Variants in SF3B3 observed in about 807,000 individuals in gnomAD.
The protein encoded by SF3B3 is splicing factor 3b subunit 3.
In SF3B3, 33 loss-of-function variants were observed where a neutral mutation model predicts 139.2. The observed-to-expected ratio is 0.24, with a 90% CI of 0.18 to 0.32. SF3B3 has a LOEUF of 0.32. Among genes scored for constraint, SF3B3 ranks in the 10% least tolerant of loss-of-function variants. The pLI, the probability that SF3B3 is intolerant of heterozygous loss-of-function variation, is 1.00. For missense variants in SF3B3, 818 were observed against 1,509.4 expected, an observed-to-expected ratio of 0.54 and a Z score of 7.59; for synonymous variants, 596 against 563.6, an observed-to-expected ratio of 1.06 and a Z score of -0.81.
chr16:70,566,519 G>A (rs1227471551), intron 20 of SF3B3, among the ~76,000 whole-genome samples: 3 of 152,038 alleles, frequency 2.0e-5, no homozygotes, highest in South Asian at 2.1e-4. Context: ...CCGAGATTGC[G>A]CCACTGCACT....
In SF3B3 at chr16:70,530,932, G is replaced by A. The variant is rs1264986647; in HGVS notation, c.570+15G>A. On this transcript the variant is annotated intron_variant, in intron 4 of 25. Coordinates refer to ENST00000302516, the MANE Select transcript of SF3B3 (RefSeq NM_012426.5). ...TGGATTATGAGGTAATGGGGACCCT[G>A]TCTCTTTGCGTTTCTTTCAGTCACC... 7 of 1,583,662 alleles carry A rather than the reference G, an allele frequency of 4.4e-6. No homozygotes were observed. The highest frequency in any genetic ancestry group is 5.1e-6 in the Non-Finnish European group (6 of 1,167,714).
At chr16:70,533,212 G>A (rs1000857142) in intron 5 of SF3B3, among the ~76,000 whole-genome samples, 1 of 152,116 alleles carries the variant, frequency 6.6e-6, no homozygotes, top group African/African-American at 2.4e-5. Context: ...TTTCTCGGCT[G>A]GGCATGGTGG....
At position 70,574,184 on chromosome 16, in the gene SF3B3, T is replaced by G. The variant is rs1298523477; in HGVS notation, c.*2371T>G. On this transcript the variant is annotated 3_prime_UTR_variant, in exon 26 of 26. Coordinates refer to ENST00000302516, the MANE Select transcript of SF3B3 (RefSeq NM_012426.5). ...AATTCCTAAGTTCTGTTTTATTTTT[T>G]AATTTTTTAAAAAAAATTTTATTAG... is the stretch of plus-strand genomic sequence containing the variant. The G allele has an allele frequency of 3.3e-5, 5 of 152,198 alleles. No homozygotes were observed. The highest frequency in any genetic ancestry group is 1.2e-4 in the African/African-American group (5 of 41,446). 9.4% of individuals were successfully genotyped at this position (152,198 alleles called of 1,614,324 possible).
chr16:70,566,500 T>C (rs904085111), intron 20 of SF3B3, among the ~76,000 whole-genome samples: 7 of 152,072 alleles, frequency 4.6e-5, no homozygotes, highest in Non-Finnish European at 2.9e-5. Context: ...AGGCAGAGGT[T>C]GCAGTGAGCC....
chr16:70,525,211 G>T (rs1435963844), intron 1 of SF3B3, among the ~76,000 whole-genome samples: 2 of 151,712 alleles, frequency 1.3e-5, no homozygotes, highest in Non-Finnish European at 2.9e-5. Context: ...TGCATTTTTA[G>T]TAGAGGGGTT....
intron 8 of SF3B3, among the ~76,000 whole-genome samples, chr16:70,539,416 C>T (rs1180255041): frequency 1.3e-5 from 2 of 151,978 alleles, no homozygotes; most frequent in African/African-American, 2.4e-5. Flanking sequence ...GACATGGTGG[C>T]GGGCACCTGT....
In SF3B3 at chr16:70,528,737, C is replaced by T. The variant is rs1333909631; in HGVS notation, c.71-136C>T. The stretch of plus-strand genomic sequence containing the variant: ...GGTTCAAGCGATTCTCCTGCCTTAG[C>T]CTCCCGAGTAGCTGGGATTACAGGC... On this transcript the variant is annotated intron_variant, in intron 2 of 25. Coordinates refer to ENST00000302516, the MANE Select transcript of SF3B3 (RefSeq NM_012426.5). 3 of 626,456 alleles carry T rather than the reference C, an allele frequency of 4.8e-6. No homozygotes were observed. The African/African-American group carries it at 5.5e-5, about 12-fold the overall frequency. 38.8% of individuals were successfully genotyped at this position (626,456 alleles called of 1,614,324 possible). A position where few individuals can be genotyped will look rare whatever the true frequency, so the allele number is the denominator to read the frequency against.
At chr16:70,528,122 A>G (rs1159891274) in intron 2 of SF3B3, among the ~76,000 whole-genome samples, 1 of 144,352 alleles carries the variant, frequency 6.9e-6, no homozygotes, top group Non-Finnish European at 1.5e-5. Context: ...TCCTTTTCCA[A>G]TTCAGTCTTC....
intron 6 of SF3B3, among the ~76,000 whole-genome samples, chr16:70,535,992 G>A (rs1240156202): frequency 6.6e-6 from 1 of 151,956 alleles, no homozygotes; most frequent in Non-Finnish European, 1.5e-5. Flanking sequence ...CCGAGAACAA[G>A]GACATTTTCC....
intron 15 of SF3B3, among the ~76,000 whole-genome samples, chr16:70,557,903 A>G (rs765383231): frequency 1.9e-4 from 29 of 152,204 alleles, no homozygotes; most frequent in Admixed American, 1.6e-3. Flanking sequence ...GCAAAATATA[A>G]CAATAGTTCC....
At chr16:70,563,489 G>T (rs1443364212) in intron 17 of SF3B3, among the ~76,000 whole-genome samples, 1 of 152,124 alleles carries the variant, frequency 6.6e-6, no homozygotes, top group East Asian at 1.9e-4. Flanking sequence ...GTTCACAAAG[G>T]TATCCACTTT....
intron 14 of SF3B3, 156 bp downstream of exon 14, chr16:70,556,490 G>A: frequency 1.3e-6 from 1 of 767,060 alleles, no homozygotes; most frequent in South Asian, 1.7e-5. Flanking sequence ...TCATTGCAGT[G>A]TGTTTCAGGA....
intron 10 of SF3B3, among the ~76,000 whole-genome samples, chr16:70,545,519 A>G (rs1221145528): frequency 6.6e-6 from 1 of 152,170 alleles, no homozygotes; most frequent in Admixed American, 6.5e-5. Context: ...TCGTAGTCCT[A>G]ATGTTAATGC....
rs748063952 is a variant in SF3B3 at position 70,565,409 on chromosome 16, A to G, written c.2711A>G (p.Tyr904Cys). Residue 904 changes from tyrosine (Y) to cysteine (C), a missense_variant, in exon 20 of 26, where the codon TAT becomes TGT. Coordinates refer to ENST00000302516, the MANE Select transcript of SF3B3 (RefSeq NM_012426.5). ...CRFSNTGEDWYVLVGVAKDLI... is the reference protein window; with the variant it reads ...CRFSNTGEDWCVLVGVAKDLI... ...TTTTCCAACACTGGTGAAGACTGGT[A>G]TGTGCTGGTGGGTGTGGCCAAGGAC... 1.9e-6 allele frequency: 3 copies of G among 1,613,974 alleles called. No individual in the cohort carries two copies. The highest frequency in any genetic ancestry group is 1.6e-4 in the Middle Eastern group (1 of 6,084).
At chr16:70,552,919 T>C (rs1047485482) in intron 11 of SF3B3, among the ~76,000 whole-genome samples, 1 of 152,182 alleles carries the variant, frequency 6.6e-6, no homozygotes, top group Non-Finnish European at 1.5e-5. Context: ...ATACATCTTT[T>C]TTGTTTGTTT....
intron 15 of SF3B3, among the ~76,000 whole-genome samples, chr16:70,557,532 AGCCCAGG>A (rs1444680917): frequency 6.6e-6 from 1 of 152,214 alleles, no homozygotes; most frequent in Non-Finnish European, 1.5e-5. Flanking sequence ...TAAGTAATCT[AGCCCAGG>A]TACTTTTTGC....
At chr16:70,551,263 A>G (rs938506244) in intron 11 of SF3B3, among the ~76,000 whole-genome samples, 2 of 152,196 alleles carry the variant, frequency 1.3e-5, no homozygotes, top group African/African-American at 4.8e-5. Flanking sequence ...CTAAAGATAC[A>G]GTCTCATACC....
At chr16:70,569,181 G>A (rs2050505371) in intron 23 of SF3B3, 40 bp downstream of exon 23, 2 of 1,416,136 alleles carry the variant, frequency 1.4e-6, no homozygotes, top group East Asian at 4.7e-5. Flanking sequence ...ACACTGCTTA[G>A]CACTTTTCCT....
At chr16:70,565,034 C>T in intron 18 of SF3B3, 31 bp from the exon 19 acceptor site, 1 of 1,609,230 alleles carries the variant, frequency 6.2e-7, no homozygotes, top group Non-Finnish European at 8.5e-7. Flanking sequence ...TCTGAGCACG[C>T]CAACTCAGTT....
Sources: allele counts gnomAD v4.1 joint callset (sites outside exome capture counted in the v4.1 genomes callset), GRCh38; gene constraint gnomAD v4.1.1; transcripts MANE v1.5; gene names NCBI Gene and HGNC (gene_info 2026-07-23, HGNC 2026-07-21).